The following CDC14B variants were observed in gnomAD, a reference collection of about 807,000 sequenced individuals.
CDC14B encodes the protein cell division cycle 14B.
In CDC14B, 22 loss-of-function variants were observed where a neutral mutation model predicts 64.2. The ratio of observed to expected loss-of-function variants is 0.34; its 90% CI spans 0.24 to 0.49. The LOEUF (loss-of-function observed/expected upper bound fraction) is 0.49. CDC14B is among the 20% of genes least tolerant of loss of function. The probability of loss-of-function intolerance (pLI) is 0.99; values close to 1 mark genes in which losing one functional copy is unlikely to be tolerated. For synonymous variants in CDC14B, 191 were observed against 215.8 expected, an observed-to-expected ratio of 0.89 and a Z score of 1.01; for missense variants, 498 against 629.9, an observed-to-expected ratio of 0.79 and a Z score of 2.24.
At chr9:96,496,491 A>G (rs913116826), downstream of CDC14B, 2 of 398,846 alleles carry the variant, frequency 5.0e-6, no homozygotes, top group Non-Finnish European at 1.0e-5. Flanking sequence ...ACCGCAAGGC[A>G]AACTTGGGTT....
chr9:96,538,111 A>T (rs1193614594), intron 7 of CDC14B, among the ~76,000 whole-genome samples: 1 of 152,216 alleles, frequency 6.6e-6, no homozygotes, highest in Non-Finnish European at 1.5e-5. Flanking sequence ...TGGCAAAAAC[A>T]AAGATATTTT....
intron 7 of CDC14B, among the ~76,000 whole-genome samples, chr9:96,537,876 C>G (rs1442644206): frequency 2.0e-5 from 3 of 152,114 alleles, no homozygotes; most frequent in Non-Finnish European, 4.4e-5. Context: ...GCGCCCACCA[C>G]CACGCCTGGC....
At chr9:96,597,248 C>G (rs1053507625) in intron 1 of CDC14B, among the ~76,000 whole-genome samples, 18 of 152,118 alleles carry the variant, frequency 1.2e-4, no homozygotes, top group Non-Finnish European at 2.2e-4. Context: ...AATCCCGGTA[C>G]TTTGGGAGGC....
At chr9:96,594,353 T>C (rs1168370928) in intron 1 of CDC14B, among the ~76,000 whole-genome samples, 1 of 151,998 alleles carries the variant, frequency 6.6e-6, no homozygotes, top group Admixed American at 6.6e-5. Context: ...CCCTAGAGAT[T>C]TGCAAAGGGT....
intron 12 of CDC14B, chr9:96,514,777 G>A (rs1015694857): frequency 1.0e-6 from 1 of 985,370 alleles, no homozygotes; most frequent in Non-Finnish European, 1.2e-6. Context: ...CCGTGACACG[G>A]ACACACCCGC....
rs75596509 is a variant in CDC14B at position 96,544,238 on chromosome 9, A to C, written c.498-2346T>G. On this transcript the variant is annotated intron_variant, in intron 5 of 13. Coordinates refer to ENST00000375241, the MANE Select transcript of CDC14B (RefSeq NM_033331.4). Reference sequence around the variant, plus strand: ...CATCTCAAAAAAATAAAATAAAATAAAAAAAGATTAGTGTTTTTGTTAAAA... The same window carrying C: ...CATCTCAAAAAAATAAAATAAAATACAAAAAGATTAGTGTTTTTGTTAAAA... 2.9e-4 allele frequency among the ~76,000 whole-genome samples: 44 copies of C among 152,266 alleles called. No individual in the cohort carries two copies. In the East Asian group the frequency reaches 8.5e-3, roughly 29 times the overall value.
intron 1 of CDC14B, among the ~76,000 whole-genome samples, chr9:96,617,057 C>T (rs768115062): frequency 1.3e-5 from 2 of 152,030 alleles, no homozygotes; most frequent in Non-Finnish European, 2.9e-5. Flanking sequence ...CCTGGAGCTC[C>T]CTTACATTAA....
At chr9:96,574,113 C>CT (rs1844646564) in intron 1 of CDC14B, among the ~76,000 whole-genome samples, 1 of 151,626 alleles carries the variant, frequency 6.6e-6, no homozygotes, top group African/African-American at 2.4e-5. Context: ...CACCACTGAA[C>CT]TCCAGCTTGG....
chr9:96,613,888 CAATA>C lies in CDC14B; in HGVS notation c.160+5327_160+5330del, dbSNP rs1167029076. 2.0e-5 allele frequency among the ~76,000 whole-genome samples: 3 copies of C among 152,240 alleles called. No individual in the cohort carries two copies. The East Asian group carries it at 5.8e-4, about 29-fold the overall frequency. On this transcript the variant is annotated intron_variant, in intron 1 of 13. Coordinates refer to ENST00000375241, the MANE Select transcript of CDC14B (RefSeq NM_033331.4). ...ATGACTATTTTACATAGTAAGCATG[CAATA>C]AATACTTCTTGAATTAATGAATAAA...
chr9:96,573,789 CAT>C (rs1844623702), intron 1 of CDC14B, among the ~76,000 whole-genome samples: 1 of 152,126 alleles, frequency 6.6e-6, no homozygotes, highest in Admixed American at 6.5e-5. Context: ...TGGAATATGA[CAT>C]GTTAATACAT....
chr9:96,596,311 G>A (rs541568516), intron 1 of CDC14B, among the ~76,000 whole-genome samples: 3 of 147,392 alleles, frequency 2.0e-5, no homozygotes, highest in Middle Eastern at 3.6e-3. Flanking sequence ...ATAGTGAGCC[G>A]AGATTGTGCT....
intron 9 of CDC14B, among the ~76,000 whole-genome samples, chr9:96,525,724 C>T (rs1837455953): frequency 6.6e-6 from 1 of 152,190 alleles, no homozygotes; most frequent in Non-Finnish European, 1.5e-5. Flanking sequence ...CTGTACCATC[C>T]CATCACAGCT....
chr9:96,497,376 G>A (rs1833300723), downstream of CDC14B, among the ~76,000 whole-genome samples: 1 of 152,242 alleles, frequency 6.6e-6, no homozygotes, highest in African/African-American at 2.4e-5. Flanking sequence ...GAGGAATCCG[G>A]AAGGCTTTGC....
chr9:96,589,838 G>T (rs1178323745), intron 1 of CDC14B, among the ~76,000 whole-genome samples: 2 of 151,860 alleles, frequency 1.3e-5, no homozygotes, highest in African/African-American at 4.8e-5. Flanking sequence ...GCGGGTGCCT[G>T]TAGTCCCAGC....
At position 96,534,052 on chromosome 9, in the gene CDC14B, G is replaced by A. The variant is rs753779684; in HGVS notation, c.821C>T (p.Thr274Met). The A allele has an allele frequency of 9.3e-6, 15 of 1,612,692 alleles. No homozygotes were observed. The highest frequency in any genetic ancestry group is 1.2e-5 in the Non-Finnish European group (14 of 1,178,984). The change falls in exon 9 of 14, where the codon ACG becomes ATG. Residue 274 changes from threonine to methionine, a missense_variant. Transcript: ENST00000375241. ...ATCATGGTGATCGAAGCCAGCATCC[G>A]TAAAGCGTTTGGCATCATACATCCT... ...NKRMYDAKRF[T>M]DAGFDHHDLF...
chr9:96,513,042 A>G (rs1473919317), intron 12 of CDC14B, among the ~76,000 whole-genome samples: 1 of 152,172 alleles, frequency 6.6e-6, no homozygotes, highest in Non-Finnish European at 1.5e-5. Flanking sequence ...CATTCAAAAC[A>G]AGACACTACT....
intron 12 of CDC14B, among the ~76,000 whole-genome samples, chr9:96,518,358 T>C (rs577802909): frequency 1.8e-4 from 28 of 151,972 alleles, no homozygotes; most frequent in African/African-American, 3.6e-4. Context: ...CTACTAAAAA[T>C]ACAAAAATTA....
At chr9:96,582,809 T>C (rs1400284854) in intron 1 of CDC14B, among the ~76,000 whole-genome samples, 1 of 152,240 alleles carries the variant, frequency 6.6e-6, no homozygotes. Flanking sequence ...TCTGAGACTT[T>C]TACCAGATTT....
Position 96,515,657 on chromosome 9 carries a change from T to A in CDC14B, c.1344-5868A>T, listed in dbSNP as rs1395145414. On this transcript the variant is annotated intron_variant, in intron 12 of 13. Transcript: ENST00000375241. This position sits in a 1 kb window ranked among gnomAD's most constrained non-coding sequence, Gnocchi z 4.3. Reference sequence around the variant, plus strand: ...CAGAACGGGACACTTACAGCAGCTATCTGTCAGGGGGTCCTGATGGCTACT... The same window carrying A: ...CAGAACGGGACACTTACAGCAGCTAACTGTCAGGGGGTCCTGATGGCTACT... 1.1e-5 allele frequency: 17 copies of A among 1,574,042 alleles called. No homozygotes were observed. The highest frequency in any genetic ancestry group is 1.5e-5 in the Non-Finnish European group (17 of 1,160,144).
Sources: gnomAD v4.1 joint callset for allele counts (sites outside exome capture counted in the v4.1 genomes callset) on GRCh38, gnomAD v4.1.1 for gene constraint, Gnocchi (gnomAD v3.1) non-coding constraint, MANE v1.5 for transcripts, NCBI Gene and HGNC (gene_info 2026-07-23, HGNC 2026-07-21) for gene names.